Variants in SDCBP2 observed in about 807,000 individuals in gnomAD.
SDCBP2 encodes syntenin-2.
In SDCBP2, 28 loss-of-function variants were observed where a neutral mutation model predicts 30.7. The observed-to-expected ratio is 0.91, with a 90% confidence interval of 0.68 to 1.25. SDCBP2 has a LOEUF of 1.25. Ranked by LOEUF, SDCBP2 falls within the 50% of genes most tolerant of loss-of-function variation. The pLI is 0.00. For missense variants in SDCBP2, 399 were observed against 379.0 expected, an observed-to-expected ratio of 1.05 and a Z score of -0.44; for synonymous variants, 166 against 157.3, an observed-to-expected ratio of 1.06 and a Z score of -0.41.
At position 1,312,513 on chromosome 20, in the gene SDCBP2, C is replaced by T. The variant is rs548331812; in HGVS notation, c.561-5G>A. 18 of 1,614,120 alleles carry T rather than the reference C, an allele frequency of 1.1e-5. No homozygotes were observed. The African/African-American group carries it at 1.7e-4, about 16-fold the overall frequency. On this transcript the variant is annotated splice_region_variant and splice_polypyrimidine_tract_variant and intron_variant, in intron 6 of 8. Transcript: ENST00000360779. The stretch of plus-strand genomic sequence containing the variant: ...GTGACAGTCCGCTGGAACGGCCTGG[C>T]AGGAGGGACAGTGAGCTGTCCTGGG...
chr20:1,316,416 G>T (rs891971042), intron 4 of SDCBP2, among the ~76,000 whole-genome samples: 2 of 152,148 alleles, frequency 1.3e-5, no homozygotes, highest in East Asian at 3.9e-4. Context: ...TTGAGACAGG[G>T]TCTCACTCTG....
At chr20:1,312,982 G>A (rs2088702804) in intron 5 of SDCBP2, 2 of 605,646 alleles carry the variant, frequency 3.3e-6, no homozygotes, top group East Asian at 5.6e-5. Context: ...CCCTGGCCTG[G>A]GGCTGCACTC....
rs541113709 is a variant in SDCBP2, at chr20:1,318,754, T to C, written c.125-336A>G. 1.1e-4 allele frequency among the ~76,000 whole-genome samples: 16 copies of C among 152,312 alleles called. No individual in the cohort carries two copies. In the East Asian group the frequency reaches 2.7e-3, roughly 26 times the overall value. On this transcript the variant is annotated intron_variant, in intron 3 of 8. Coordinates refer to ENST00000360779, the MANE Select transcript of SDCBP2 (RefSeq NM_080489.5). Reference sequence around the variant, plus strand: ...CTTCTTATAAGGATTTGTGTCCTTATAAGAAGAGACAACAGAGGGCTCATG... The same window carrying C: ...CTTCTTATAAGGATTTGTGTCCTTACAAGAAGAGACAACAGAGGGCTCATG...
In SDCBP2 at chr20:1,320,268, G is replaced by T; in HGVS notation, c.54+95C>A. ...GACACCTACATGCCCTGAGGCCTACGGGAATCTCCAAGTGGCCCCAGTACC... is the reference window on the plus strand; with the variant it reads ...GACACCTACATGCCCTGAGGCCTACTGGAATCTCCAAGTGGCCCCAGTACC... On this transcript the variant is annotated intron_variant, in intron 2 of 8. Coordinates refer to ENST00000360779, the MANE Select transcript of SDCBP2 (RefSeq NM_080489.5). The surrounding 1 kb of genome is among the most constrained non-coding windows in gnomAD (Gnocchi z 4.7). 8.8e-7 allele frequency: 1 copy of T among 1,137,170 alleles called. No homozygotes were observed. The highest frequency in any genetic ancestry group is 1.4e-5 in the South Asian group (1 of 70,576). 70.4% of individuals were successfully genotyped at this position (1,137,170 alleles called of 1,614,324 possible).
At chr20:1,322,958 T>C (rs988170424) in intron 1 of SDCBP2, 3 of 152,216 alleles carry the variant, frequency 2.0e-5, no homozygotes, top group South Asian at 2.1e-4. Context: ...GAAAAAAATA[T>C]AAACATTTGG....
rs1254175690 is a variant in SDCBP2, at chr20:1,321,870, A to C, written c.-19-1435T>G. On this transcript the variant is annotated intron_variant, in intron 1 of 8. Transcript: ENST00000360779. The surrounding 1 kb of genome is among the most constrained non-coding windows in gnomAD (Gnocchi z 5.2). ...ATCGAATTTCCCACTGCTCCCAAAA[A>C]ACAGGAAGCTTTGGCAACCCTAGGC... The C allele has an allele frequency of 2.0e-5, 3 of 152,250 alleles. No homozygotes were observed. Among genetic ancestry groups the C allele is most frequent in the Non-Finnish European group, 4.4e-5 (3 of 68,054 alleles). The allele number at this position is 152,250 out of a possible 1,614,324, so 9.4% of individuals were successfully genotyped here. A position where few individuals can be genotyped will look rare whatever the true frequency, so the allele number is the denominator to read the frequency against.
chr20:1,316,537 A>G (rs1436904360), intron 4 of SDCBP2, among the ~76,000 whole-genome samples: 1 of 152,030 alleles, frequency 6.6e-6, no homozygotes, highest in Non-Finnish European at 1.5e-5. Context: ...CTACAGGCAC[A>G]AGCCACCATA....
chr20:1,328,733 A>G (rs1247010029), intron 1 of SDCBP2, among the ~76,000 whole-genome samples: 1 of 152,132 alleles, frequency 6.6e-6, no homozygotes, highest in African/African-American at 2.4e-5. Context: ...CTTGGGAGAA[A>G]TGGGCTTTTT....
chr20:1,323,218 C>T (rs1216965115), intron 1 of SDCBP2: 1 of 152,228 alleles, frequency 6.6e-6, no homozygotes, highest in African/African-American at 2.4e-5. Flanking sequence ...CTCTGACTTC[C>T]TTTAGACCAC....
In SDCBP2 at chr20:1,320,289, G is replaced by T; in HGVS notation, c.54+74C>A. On this transcript the variant is annotated intron_variant, in intron 2 of 8. Transcript: ENST00000360779. The surrounding 1 kb of genome is among the most constrained non-coding windows in gnomAD (Gnocchi z 4.7). ...CTACGGGAATCTCCAAGTGGCCCCA[G>T]TACCCAGCACCTTCCAGGGTAATCC... 1.4e-6 allele frequency: 2 copies of T among 1,409,548 alleles called. No homozygotes were observed. Among genetic ancestry groups the T allele is most frequent in the Non-Finnish European group, 2.0e-6 (2 of 1,010,864 alleles). 87.3% of individuals were successfully genotyped at this position (1,409,548 alleles called of 1,614,324 possible).
chr20:1,310,656 A>C, intron 8 of SDCBP2, 144 bp downstream of exon 8: 1 of 995,672 alleles, frequency 1.0e-6, no homozygotes, highest in Non-Finnish European at 1.5e-6. Context: ...AGGGAGGGGA[A>C]GGGAGGATAG....
In SDCBP2 at chr20:1,312,377, T is replaced by C. The variant is rs1568558494; in HGVS notation, c.692A>G (p.Tyr231Cys). Residue 231 changes from tyrosine (Y) to cysteine (C), a missense_variant, in exon 7 of 9, where the codon TAC becomes TGC. Tyr to Cys is a radical substitution (Grantham distance 194). Coordinates refer to ENST00000360779, the MANE Select transcript of SDCBP2 (RefSeq NM_080489.5). ...ATTCTGCCCGTCCACCTCACACACG[T>C]AGTGGTTGGTGAGGAGCCCGTTGCG... The part of the protein sequence containing the change: ...AARNGLLTNH[Y>C]VCEVDGQNVI... 6.2e-7 allele frequency: 1 copy of C among 1,613,480 alleles called. No homozygotes were observed. Among genetic ancestry groups the C allele is most frequent in the African/African-American group, 1.3e-5 (1 of 74,990 alleles).
intron 1 of SDCBP2, among the ~76,000 whole-genome samples, chr20:1,327,121 G>T (rs2088939262): frequency 6.6e-6 from 1 of 152,178 alleles, no homozygotes. Flanking sequence ...GAAAGGAAAA[G>T]AACCCACCTA....
At chr20:1,325,626 T>A (rs17718334) in intron 1 of SDCBP2, 38,427 of 152,030 alleles carry the variant, frequency 0.25, 5,008 homozygotes, top group Middle Eastern at 0.33. Flanking sequence ...AGCTTTAAAC[T>A]CCCCTGGCCT....
rs1394336064 is a variant in SDCBP2, at chr20:1,320,085, G to A, written c.54+278C>T. On this transcript the variant is annotated intron_variant, in intron 2 of 8. Coordinates refer to ENST00000360779, the MANE Select transcript of SDCBP2 (RefSeq NM_080489.5). This position sits in a 1 kb window ranked among gnomAD's most constrained non-coding sequence, Gnocchi z 4.7. The stretch of plus-strand genomic sequence containing the variant: ...CCTCTGAAAGCCTGCCTTAGAGCAT[G>A]GAGCCCGCCCATCCTGGAGGGAGGG... 6.6e-6 allele frequency among the ~76,000 whole-genome samples: 1 copy of A among 152,064 alleles called. No homozygotes were observed. Among genetic ancestry groups the A allele is most frequent in the Non-Finnish European group, 1.5e-5 (1 of 67,980 alleles).
chr20:1,318,784 C>T (rs958358429), intron 3 of SDCBP2, among the ~76,000 whole-genome samples: 2 of 152,158 alleles, frequency 1.3e-5, no homozygotes, highest in African/African-American at 2.4e-5. Context: ...CTCATGCATG[C>T]GCTCTCATGC....
At chr20:1,316,001 G>A (rs2088771487) in intron 4 of SDCBP2, among the ~76,000 whole-genome samples, 1 of 152,178 alleles carries the variant, frequency 6.6e-6, no homozygotes, top group Admixed American at 6.5e-5. Flanking sequence ...TACTCGGGAG[G>A]CTGAGGTGGG....
chr20:1,328,934 C>G (rs1302876187), intron 1 of SDCBP2, among the ~76,000 whole-genome samples, 151 bp downstream of exon 1: 2 of 152,162 alleles, frequency 1.3e-5, no homozygotes, highest in African/African-American at 4.8e-5. Context: ...AACCCCACTT[C>G]ACACTTGACT....
Position 1,324,275 on chromosome 20 carries a change from C to T in SDCBP2, c.-19-3840G>A, listed in dbSNP as rs1384352336. ...ACTCATAAGGGCAGGAGCTCTGTCCCGTTCACACACGATCCTTCCCCGCCA... is the reference window on the plus strand; with the variant it reads ...ACTCATAAGGGCAGGAGCTCTGTCCTGTTCACACACGATCCTTCCCCGCCA... On this transcript the variant is annotated intron_variant, in intron 1 of 8. Transcript: ENST00000360779. This position sits in a 1 kb window ranked among gnomAD's most constrained non-coding sequence, Gnocchi z 4.7. The T allele has an allele frequency of 2.0e-5, 3 of 152,282 alleles. No homozygotes were observed. The highest frequency in any genetic ancestry group is 4.4e-5 in the Non-Finnish European group (3 of 68,038). The allele number at this position is 152,282 out of a possible 1,614,324, so 9.4% of individuals were successfully genotyped here.
Sources: gnomAD v4.1 joint callset for allele counts (sites outside exome capture counted in the v4.1 genomes callset) on GRCh38, gnomAD v4.1.1 for gene constraint, Gnocchi (gnomAD v3.1) non-coding constraint, MANE v1.5 for transcripts, NCBI Gene and HGNC (gene_info 2026-07-23, HGNC 2026-07-21) for gene names.